TCERG1L: variants seen among roughly 807,000 people sequenced by gnomAD.
TCERG1L encodes transcription elongation regulator 1 like.
In TCERG1L, 37 loss-of-function variants were observed where a neutral mutation model predicts 56.3. That is an observed-to-expected ratio of 0.66 (90% CI 0.51 to 0.87). The LOEUF (loss-of-function observed/expected upper bound fraction) is 0.87. TCERG1L is among the 40% of genes least tolerant of loss of function. The pLI is 0.00. For missense variants in TCERG1L, 799 were observed against 774.2 expected (o/e 1.03, Z -0.38); for synonymous variants, 324 against 326.3 (o/e 0.99, Z 0.08).
intron 8 of TCERG1L, among the ~76,000 whole-genome samples, chr10:131,124,795 G>A (rs1341864402): frequency 2.0e-5 from 3 of 152,228 alleles, no homozygotes; most frequent in African/African-American, 7.2e-5. Context: ...CTAATAAAAT[G>A]CGTGGTCTCT....
chr10:131,241,704 G>A (rs549218480), intron 4 of TCERG1L, among the ~76,000 whole-genome samples: 2 of 152,024 alleles, frequency 1.3e-5, no homozygotes, highest in Admixed American at 6.6e-5. Context: ...ACATAATATA[G>A]AACACGTATT....
intron 4 of TCERG1L, among the ~76,000 whole-genome samples, chr10:131,171,315 T>TG (rs1846091162): frequency 6.6e-6 from 1 of 151,920 alleles, no homozygotes; most frequent in Admixed American, 6.6e-5. Flanking sequence ...AAGGGGGAGG[T>TG]GGGTTTGCTT....
chr10:131,188,789 G>A (rs1845274602), intron 4 of TCERG1L, among the ~76,000 whole-genome samples: 1 of 152,126 alleles, frequency 6.6e-6, no homozygotes, highest in African/African-American at 2.4e-5. Context: ...AGGTACAGAT[G>A]GATATAATGT....
intron 4 of TCERG1L, among the ~76,000 whole-genome samples, chr10:131,226,883 C>G (rs956944340): frequency 1.3e-5 from 2 of 152,128 alleles, no homozygotes; most frequent in Admixed American, 6.5e-5. Context: ...CTGCTTCAAC[C>G]AAAAAACACA....
At chr10:131,211,059 G>C (rs981803606) in intron 4 of TCERG1L, among the ~76,000 whole-genome samples, 2 of 152,234 alleles carry the variant, frequency 1.3e-5, no homozygotes, top group Admixed American at 6.5e-5. Flanking sequence ...GAGACCTTCT[G>C]AACGTTTGTT....
intron 8 of TCERG1L, among the ~76,000 whole-genome samples, chr10:131,125,652 G>A (rs1845557898): frequency 1.3e-5 from 2 of 152,244 alleles, no homozygotes; most frequent in Non-Finnish European, 2.9e-5. Flanking sequence ...AGGGTGGGCT[G>A]CAGGCCCCTG....
At position 131,217,228 on chromosome 10, in the gene TCERG1L, G is replaced by A. The variant is rs76619449; in HGVS notation, c.856+43031C>T. Among the ~76,000 whole-genome samples, 1,014 of 152,090 alleles carry A rather than the reference G, an allele frequency of 6.7e-3. 17 individuals carry two copies. The highest frequency in any genetic ancestry group is 0.023 in the African/African-American group (951 of 41,486). ...CAGTGAGTGAGTTTTCCTGAGATCT[G>A]GTCGTTTAACAGTGTGTGGCCCCTC... is the stretch of plus-strand genomic sequence containing the variant. On this transcript the variant is annotated intron_variant, in intron 4 of 11. Transcript: ENST00000368642.
chr10:131,166,674 AC>A, intron 5 of TCERG1L, 122 bp downstream of exon 5: 1 of 966,714 alleles, frequency 1.0e-6, no homozygotes, highest in Non-Finnish European at 1.6e-6. Flanking sequence ...CTGCTGCTTC[AC>A]ACAGCAGATG....
intron 3 of TCERG1L, among the ~76,000 whole-genome samples, chr10:131,270,944 G>A (rs980417948): frequency 1.3e-5 from 2 of 152,120 alleles, no homozygotes; most frequent in South Asian, 2.1e-4. Context: ...TCCATCTGAC[G>A]CATCTGAGAG....
intron 6 of TCERG1L, among the ~76,000 whole-genome samples, chr10:131,155,393 C>T (rs1845908248): frequency 6.6e-6 from 1 of 152,218 alleles, no homozygotes; most frequent in African/African-American, 2.4e-5. Context: ...CCAGCTCTGC[C>T]CAGCCTTGCA....
chr10:131,297,548 A>C (rs2133579369), intron 3 of TCERG1L, among the ~76,000 whole-genome samples: 1 of 152,288 alleles, frequency 6.6e-6, no homozygotes, highest in Admixed American at 6.5e-5. Flanking sequence ...CTCTGTAATA[A>C]CCATTTGGTT....
intron 6 of TCERG1L, among the ~76,000 whole-genome samples, chr10:131,151,419 A>G (rs1845866769): frequency 2.0e-5 from 3 of 152,146 alleles, no homozygotes; most frequent in Non-Finnish European, 2.9e-5. Flanking sequence ...CCAAAATCCA[A>G]TACGGCAGTC....
At chr10:131,111,294 TC>T (rs1232998541) in intron 9 of TCERG1L, among the ~76,000 whole-genome samples, 1 of 142,100 alleles carries the variant, frequency 7.0e-6, no homozygotes, top group Non-Finnish European at 1.6e-5. Context: ...CCTGCTGTGG[TC>T]CTCAGGGTGT....
rs577494270 is a variant in TCERG1L, at chr10:131,180,942, C to T, written c.857-14057G>A. 3.6e-4 allele frequency among the ~76,000 whole-genome samples: 55 copies of T among 152,306 alleles called. No homozygotes were observed. In the South Asian group the frequency reaches 5.6e-3, roughly 15 times the overall value. Reference sequence around the variant, plus strand: ...GCATCCTATTATTAGCGACGTCTATCACCTTGAAGGGAAGTCGCATCCCTG... The same window carrying T: ...GCATCCTATTATTAGCGACGTCTATTACCTTGAAGGGAAGTCGCATCCCTG... On this transcript the variant is annotated intron_variant, in intron 4 of 11. Coordinates refer to ENST00000368642, the MANE Select transcript of TCERG1L (RefSeq NM_174937.4).
chr10:131,163,136 C>A lies in TCERG1L; in HGVS notation c.1020G>T (p.Val340=), dbSNP rs776898038. The A allele has an allele frequency of 2.5e-6, 4 of 1,578,372 alleles. No homozygotes were observed. The South Asian group carries it at 3.5e-5, about 14-fold the overall frequency. The change falls in exon 6 of 12, where the codon GTG becomes GTT. Residue 340 remains valine, a synonymous_variant. Transcript: ENST00000368642. ...GGGTGTCTTACCAGGGGGATCCGGGCACCGGGGTGGAGGCCACTGGCCTGT... is the reference window on the plus strand; with the variant it reads ...GGGTGTCTTACCAGGGGGATCCGGGAACCGGGGTGGAGGCCACTGGCCTGT... The part of the protein sequence containing the change: ...RGNRPVASTP[V]PGSPWCVVWT...
At position 131,267,410 on chromosome 10, in the gene TCERG1L, G is replaced by A. The variant is rs1214179893; in HGVS notation, c.671-6966C>T. Reference sequence around the variant, plus strand: ...GCCCTGAGAGCATCGGGAGGCCCAGGCCCACAGCTGCAACCTGGGTGGCTG... The same window carrying A: ...GCCCTGAGAGCATCGGGAGGCCCAGACCCACAGCTGCAACCTGGGTGGCTG... On this transcript the variant is annotated intron_variant, in intron 3 of 11. Coordinates refer to ENST00000368642, the MANE Select transcript of TCERG1L (RefSeq NM_174937.4). This position sits in a 1 kb window ranked among gnomAD's most constrained non-coding sequence, Gnocchi z 4.9. 6.6e-6 allele frequency among the ~76,000 whole-genome samples: 1 copy of A among 152,208 alleles called. No homozygotes were observed. Among genetic ancestry groups the A allele is most frequent in the East Asian group, 1.9e-4 (1 of 5,182 alleles).
intron 4 of TCERG1L, among the ~76,000 whole-genome samples, chr10:131,168,946 G>T (rs1008718085): frequency 1.3e-5 from 2 of 152,220 alleles, no homozygotes; most frequent in Admixed American, 1.3e-4. Flanking sequence ...TTCAAGGTTG[G>T]CCTTGGGGAA....
intron 4 of TCERG1L, among the ~76,000 whole-genome samples, chr10:131,226,096 G>T (rs1845788386): frequency 6.6e-6 from 1 of 151,786 alleles, no homozygotes; most frequent in South Asian, 2.1e-4. Context: ...AGCCACCATG[G>T]CTGGCTAATT....
At position 131,108,332 on chromosome 10, in the gene TCERG1L, C is replaced by T. The variant is rs544014680; in HGVS notation, c.1396-3978G>A. Among the ~76,000 whole-genome samples, 82 of 152,282 alleles carry T rather than the reference C, an allele frequency of 5.4e-4. 1 individual carries two copies. Among genetic ancestry groups the T allele is most frequent in the Middle Eastern group, 3.4e-3 (1 of 294 alleles). On this transcript the variant is annotated intron_variant, in intron 9 of 11. Coordinates refer to ENST00000368642, the MANE Select transcript of TCERG1L (RefSeq NM_174937.4). ...GCTTTCTGGGATTCCTCGGTTACAGCGAAGGGTAGATGAGACTCCGTCCCC... is the reference window on the plus strand; with the variant it reads ...GCTTTCTGGGATTCCTCGGTTACAGTGAAGGGTAGATGAGACTCCGTCCCC...
Sources: gnomAD v4.1 joint callset for allele counts (sites outside exome capture counted in the v4.1 genomes callset) on GRCh38, gnomAD v4.1.1 for gene constraint, Gnocchi (gnomAD v3.1) non-coding constraint, MANE v1.5 for transcripts, NCBI Gene and HGNC (gene_info 2026-07-23, HGNC 2026-07-21) for gene names.